Variants in ACVRL1 observed in about 807,000 individuals in gnomAD.
ACVRL1 encodes the protein activin receptor type-1-like.
A neutral mutation model predicts 51.9 loss-of-function variants in ACVRL1; 20 were observed. That is an observed-to-expected ratio of 0.39 (90% confidence interval 0.27 to 0.56). ACVRL1 has a LOEUF of 0.56. Among genes scored for constraint, ACVRL1 ranks in the 20% least tolerant of loss-of-function variants. The probability of loss-of-function intolerance (pLI) is 0.67; values close to 1 mark genes in which losing one functional copy is unlikely to be tolerated. For synonymous variants in ACVRL1, 288 were observed against 280.9 expected (o/e 1.03, Z -0.25); for missense variants, 451 against 670.3 (o/e 0.67, Z 3.61).
In ACVRL1 at chr12:51,914,466, G is replaced by A. The variant is rs779287554; in HGVS notation, c.653G>A (p.Arg218Gln). The A allele has an allele frequency of 3.1e-6, 5 of 1,614,174 alleles. No homozygotes were observed. The highest frequency in any genetic ancestry group is 2.2e-5 in the East Asian group (1 of 44,878). ...VGKGRYGEVW[R>Q]GLWHGESVAV... Reference sequence around the variant, plus strand: ...AAAGGCCGCTATGGCGAAGTGTGGCGGGGCTTGTGGCACGGTGAGAGTGTG... The same window carrying A: ...AAAGGCCGCTATGGCGAAGTGTGGCAGGGCTTGTGGCACGGTGAGAGTGTG... The change falls in exon 6 of 10, where the codon CGG becomes CAG. Residue 218 changes from arginine (R) to glutamine (Q), a missense_variant. Physicochemically the swap from Arg to Gln is conservative, Grantham distance 43. Around this residue, in one of 2 missense-constraint regions of ACVRL1, gnomAD observed 259 missense variants for 453.4 expected, o/e 0.57. Transcript: ENST00000388922.
At chr12:51,915,107 C>A in intron 6 of ACVRL1, 118 bp from the exon 7 acceptor site, 1 of 1,162,818 alleles carries the variant, frequency 8.6e-7, no homozygotes, top group Non-Finnish European at 1.3e-6. Context: ...CACCCCCAGA[C>A]CTAGCTTAGC....
Position 51,917,889 on chromosome 12 carries a change from C to T in ACVRL1, c.1247-1096C>T, listed in dbSNP as rs759308627. Among the ~76,000 whole-genome samples, 202 of 152,254 alleles carry T rather than the reference C, an allele frequency of 1.3e-3. 3 individuals are homozygous for T. Among genetic ancestry groups the T allele is most frequent in the Admixed American group, 0.013 (198 of 15,298 alleles). ...CCATCAGCCCCACACGGACTCGCGG[C>T]GCATTATAAACACTGTAATCTGGTG... On this transcript the variant is annotated intron_variant, in intron 8 of 9. Transcript: ENST00000388922. The surrounding 1 kb of genome is among the most constrained non-coding windows in gnomAD (Gnocchi z 4.2).
chr12:51,912,540 G>A lies in ACVRL1; in HGVS notation c.61+5G>A. On this transcript the variant is annotated splice_donor_5th_base_variant and intron_variant, in intron 2 of 9. Transcript: ENST00000388922. ...TGATGGCCTTGGTGACCCAGGGTGA[G>A]TACTGGGGGAGCAGTTAGGAAACAG... The A allele has an allele frequency of 6.2e-7, 1 of 1,608,184 alleles. No homozygotes were observed. Among genetic ancestry groups the A allele is most frequent in the Non-Finnish European group, 8.5e-7 (1 of 1,174,576 alleles).
At chr12:51,909,853 AG>A in intron 1 of ACVRL1, among the ~76,000 whole-genome samples, 1 of 152,338 alleles carries the variant, frequency 6.6e-6, no homozygotes, top group Non-Finnish European at 1.5e-5. Context: ...GTTATTATTA[AG>A]TATTTCATAG....
At chr12:51,918,954 A>G in intron 8 of ACVRL1, 31 bp from the exon 9 acceptor site, 1 of 1,614,210 alleles carries the variant, frequency 6.2e-7, no homozygotes, top group Non-Finnish European at 8.5e-7. Context: ...TAGAGTCCCA[A>G]GTGATTGTCC....
chr12:51,918,862 G>T (rs2139083566), intron 8 of ACVRL1, 123 bp from the exon 9 acceptor site: 1 of 1,360,150 alleles, frequency 7.4e-7, no homozygotes, highest in South Asian at 1.2e-5. Flanking sequence ...TCCCTCTCAG[G>T]GGTAGCGTGT....
chr12:51,914,579 A>C lies in ACVRL1; in HGVS notation c.766A>C (p.Ile256Leu). The C allele has an allele frequency of 6.2e-7, 1 of 1,612,522 alleles. No individual in the cohort carries two copies. Among genetic ancestry groups the C allele is most frequent in the Non-Finnish European group, 8.5e-7 (1 of 1,179,284 alleles). The change falls in exon 6 of 10, where the codon ATC becomes CTC. Residue 256 changes from isoleucine (I) to leucine (L), a missense_variant. Ile to Leu is a conservative substitution (Grantham distance 5, BLOSUM62 2). Transcript: ENST00000388922. ...YNTVLLRHDNILGFIASDMTS... is the reference protein window; with the variant it reads ...YNTVLLRHDNLLGFIASDMTS... ...CACAGTGTTGCTCAGACACGACAAC[A>C]TCCTAGGCAAGGGGAGAGGCCAGCT...
chr12:51,919,574 TG>T (rs1940922325), intron 9 of ACVRL1, among the ~76,000 whole-genome samples: 1 of 152,222 alleles, frequency 6.6e-6, no homozygotes, highest in Non-Finnish European at 1.5e-5. Context: ...TAAAATTTTT[TG>T]TAGAGACAAG....
At chr12:51,915,104 A>C in intron 6 of ACVRL1, 121 bp from the exon 7 acceptor site, 32 of 1,112,318 alleles carry the variant, frequency 2.9e-5, no homozygotes, top group East Asian at 5.1e-5. Context: ...CCCCACCCCC[A>C]GACCTAGCTT....
rs1447598166 is a variant in ACVRL1, at chr12:51,922,239, T to A, written c.*1346T>A. On this transcript the variant is annotated 3_prime_UTR_variant, in exon 10 of 10. Transcript: ENST00000388922. The stretch of plus-strand genomic sequence containing the variant: ...TGACTCAAGGAGTGTCTGGAGCACC[T>A]CCTAGTCTAAGTCTGCAAGCTCCAG... 2 of 152,158 alleles carry A rather than the reference T, an allele frequency of 1.3e-5. No individual in the cohort carries two copies. Among genetic ancestry groups the A allele is most frequent in the Non-Finnish European group, 2.9e-5 (2 of 68,030 alleles). The allele number at this position is 152,158 out of a possible 1,614,324, so 9.4% of individuals were successfully genotyped here. A position where few individuals can be genotyped will look rare whatever the true frequency, so the allele number is the denominator to read the frequency against.
At chr12:51,920,717 C>T in intron 9 of ACVRL1, 42 bp from the exon 10 acceptor site, 1 of 1,609,894 alleles carries the variant, frequency 6.2e-7, no homozygotes. Context: ...CTGCATCTCT[C>T]TCTCTGCCTC....
At chr12:51,909,311 T>G (rs1427329751) in intron 1 of ACVRL1, among the ~76,000 whole-genome samples, 2 of 151,942 alleles carry the variant, frequency 1.3e-5, no homozygotes, top group Non-Finnish European at 2.9e-5. Flanking sequence ...GTTGCCTGGG[T>G]CAACATAGTG....
At position 51,921,726 on chromosome 12, in the gene ACVRL1, T is replaced by C. The variant is rs1011909048; in HGVS notation, c.*833T>C. The C allele has an allele frequency of 1.3e-5, 2 of 151,630 alleles. No individual in the cohort carries two copies. Among genetic ancestry groups the C allele is most frequent in the Non-Finnish European group, 2.9e-5 (2 of 68,102 alleles). The allele number at this position is 151,630 out of a possible 1,614,324, so 9.4% of individuals were successfully genotyped here. A position where few individuals can be genotyped will look rare whatever the true frequency, so the allele number is the denominator to read the frequency against. ...AGGCCTGTCTCAGGACCTTTTCTTT[T>C]CTTTTTTCCTTCTTTTTTTTTTTGA... is the stretch of plus-strand genomic sequence containing the variant. On this transcript the variant is annotated 3_prime_UTR_variant, in exon 10 of 10. Coordinates refer to ENST00000388922, the MANE Select transcript of ACVRL1 (RefSeq NM_000020.3).
chr12:51,922,855 T>C lies in ACVRL1; in HGVS notation c.*1962T>C, dbSNP rs1161850523. ...TCCACCATCCTCATGGTGGCACTTT[T>C]CTAGGCCTGTCTCCCAGCATTGTGC... is the stretch of plus-strand genomic sequence containing the variant. On this transcript the variant is annotated 3_prime_UTR_variant, in exon 10 of 10. Transcript: ENST00000388922. 6.6e-6 allele frequency: 1 copy of C among 152,606 alleles called. No individual in the cohort carries two copies. Among genetic ancestry groups the C allele is most frequent in the Non-Finnish European group, 1.5e-5 (1 of 68,058 alleles). 9.5% of individuals were successfully genotyped at this position (152,606 alleles called of 1,614,324 possible). A position where few individuals can be genotyped will look rare whatever the true frequency, so the allele number is the denominator to read the frequency against.
chr12:51,921,089 G>C lies in ACVRL1; in HGVS notation c.*196G>C. The stretch of plus-strand genomic sequence containing the variant: ...AACCTGATCCCCTGCTGTCTGGCCT[G>C]CTCAAAGCGGCAGGCTCCCTGACGC... On this transcript the variant is annotated 3_prime_UTR_variant, in exon 10 of 10. Transcript: ENST00000388922. 3.0e-6 allele frequency: 2 copies of C among 657,998 alleles called. No individual in the cohort carries two copies. Among genetic ancestry groups the C allele is most frequent in the Non-Finnish European group, 5.2e-6 (2 of 383,668 alleles). 40.8% of individuals were successfully genotyped at this position (657,998 alleles called of 1,614,324 possible). A position where few individuals can be genotyped will look rare whatever the true frequency, so the allele number is the denominator to read the frequency against.
intron 1 of ACVRL1, among the ~76,000 whole-genome samples, chr12:51,908,050 G>C (rs1940630099): frequency 6.6e-6 from 1 of 152,178 alleles, no homozygotes; most frequent in South Asian, 2.1e-4. Flanking sequence ...CCAGGCCGCT[G>C]GGTGGACCTG....
At chr12:51,915,702 TC>T in intron 7 of ACVRL1, 2 of 797,804 alleles carry the variant, frequency 2.5e-6, no homozygotes, top group Non-Finnish European at 3.8e-6. Flanking sequence ...CCATCCTGGC[TC>T]CAGGAGTTGG....
chr12:51,907,362 C>G (rs1478058954), upstream of ACVRL1: 1 of 152,274 alleles, frequency 6.6e-6, no homozygotes, highest in African/African-American at 2.4e-5. The surrounding 1 kb of genome is among the most constrained non-coding windows in gnomAD (Gnocchi z 4.5). Flanking sequence ...GGGTGGGTCC[C>G]GGTCCTGCAG....
At chr12:51,909,206 C>T (rs1015874464) in intron 1 of ACVRL1, among the ~76,000 whole-genome samples, 4 of 152,154 alleles carry the variant, frequency 2.6e-5, no homozygotes, top group Admixed American at 1.3e-4. Context: ...AAGCACCTTT[C>T]GGGCATACCA....
Sources: gnomAD v4.1 joint callset for allele counts (sites outside exome capture counted in the v4.1 genomes callset) on GRCh38, gnomAD v4.1.1 for gene constraint, gnomAD v4.1.1 regional missense constraint, Gnocchi (gnomAD v3.1) non-coding constraint, MANE v1.5 for transcripts, NCBI Gene and HGNC (gene_info 2026-07-23, HGNC 2026-07-21) for gene names.